Variants in GAREM2 observed in about 807,000 individuals in gnomAD.
GAREM2 encodes the protein GRB2 associated regulator of MAPK1 subtype 2.
A neutral mutation model predicts 55.6 loss-of-function variants in GAREM2; 30 were observed. The observed-to-expected ratio is 0.54, with a 90% confidence interval of 0.40 to 0.73. The LOEUF (loss-of-function observed/expected upper bound fraction) is 0.73, where lower values mean the gene tolerates loss of function less well. GAREM2 is among the 30% of genes least tolerant of loss of function. GAREM2 has a pLI of 0.00. For missense variants in GAREM2, 1,075 were observed against 1,257.7 expected (o/e 0.85, Z 2.20); for synonymous variants, 550 against 569.1 (o/e 0.97, Z 0.48).
chr2:26,190,977 C>T (rs945943112), downstream of GAREM2: 2 of 549,084 alleles, frequency 3.6e-6, no homozygotes, highest in Non-Finnish European at 6.6e-6. Context: ...AGAGAGGTGG[C>T]TTCAGATGGC....
Position 26,187,803 on chromosome 2 carries a change from C to T in GAREM2, c.2171C>T (p.Ala724Val). 1 of 1,444,212 alleles carries T rather than the reference C, an allele frequency of 6.9e-7. No individual in the cohort carries two copies. Among genetic ancestry groups the T allele is most frequent in the Non-Finnish European group, 9.1e-7 (1 of 1,094,064 alleles). The allele number at this position is 1,444,212 out of a possible 1,614,324, so 89.5% of individuals were successfully genotyped here. A position where few individuals can be genotyped will look rare whatever the true frequency, so the allele number is the denominator to read the frequency against. Residue 724 changes from alanine to valine, a missense_variant, in exon 6 of 6, where the codon GCA becomes GTA. This residue lies in a region of GAREM2 where 515 missense variants were observed against 501.5 expected (regional missense o/e 1.03). Transcript: ENST00000401533. ...PELLRSQEPR[A>V]VGTPGPGPRL... Reference sequence around the variant, plus strand: ...CTGCTGCGTTCTCAGGAGCCCAGAGCAGTGGGGACACCTGGGCCTGGACCC... The same window carrying T: ...CTGCTGCGTTCTCAGGAGCCCAGAGTAGTGGGGACACCTGGGCCTGGACCC...
At chr2:26,186,586 T>C (rs1468756516) in intron 5 of GAREM2, among the ~76,000 whole-genome samples, 1 of 152,180 alleles carries the variant, frequency 6.6e-6, no homozygotes, top group Admixed American at 6.5e-5. Flanking sequence ...CTCTCTTAAA[T>C]GTTGAGGAAC....
chr2:26,194,532 T>A (rs1669606231), downstream of GAREM2: 1 of 1,225,228 alleles, frequency 8.2e-7, no homozygotes, highest in Non-Finnish European at 1.2e-6. Flanking sequence ...ACTGAAGGAG[T>A]GGAAGATGCC....
chr2:26,174,096 G>T (rs1174644496), intron 1 of GAREM2, among the ~76,000 whole-genome samples: 1 of 152,194 alleles, frequency 6.6e-6, no homozygotes, highest in African/African-American at 2.4e-5. Flanking sequence ...CAGCCAGGCC[G>T]GGGGTTTTGT....
At chr2:26,176,868 C>A (rs1668881282) in intron 2 of GAREM2, among the ~76,000 whole-genome samples, 1 of 152,168 alleles carries the variant, frequency 6.6e-6, no homozygotes, top group Non-Finnish European at 1.5e-5. Context: ...TACCGCGCAA[C>A]CAAATACCGC....
intron 1 of GAREM2, among the ~76,000 whole-genome samples, chr2:26,175,514 C>T (rs1668834124): frequency 6.7e-6 from 1 of 149,672 alleles, no homozygotes; most frequent in Non-Finnish European, 1.5e-5. Context: ...GGAGCTGCTT[C>T]TCTGAGATGG....
At position 26,184,837 on chromosome 2, in the gene GAREM2, T is replaced by C; in HGVS notation, c.989T>C (p.Leu330Pro). The C allele has an allele frequency of 6.8e-7, 1 of 1,480,762 alleles. No homozygotes were observed. The highest frequency in any genetic ancestry group is 1.5e-5 in the African/African-American group (1 of 68,284). 91.7% of individuals were successfully genotyped at this position (1,480,762 alleles called of 1,614,324 possible). The change falls in exon 4 of 6, where the codon CTG becomes CCG. Residue 330 changes from leucine (L) to proline (P), a missense_variant. Physicochemically the swap from Leu to Pro is moderately conservative, Grantham distance 98. This residue lies in a region of GAREM2 where 170 missense variants were observed against 220.7 expected (regional missense o/e 0.77). Coordinates refer to ENST00000401533, the MANE Select transcript of GAREM2 (RefSeq NM_001168241.2). ...CCGCGCTTCGCGCTGCCGCAGGGCC[T>C]GCTGGCCGGGGACCCGCGCGTCGAG... is the stretch of plus-strand genomic sequence containing the variant. ...DTPRFALPQG[L>P]LAGDPRVERL...
the GAREM2 span, among the ~76,000 whole-genome samples, chr2:26,202,945 C>T: frequency 1.3e-5 from 2 of 152,216 alleles, no homozygotes; most frequent in African/African-American, 4.8e-5. Flanking sequence ...CGGCACTCGC[C>T]AGAACCTGAT....
At chr2:26,181,695 G>A (rs1255833366) in intron 2 of GAREM2, 1 of 152,236 alleles carries the variant, frequency 6.6e-6, no homozygotes, top group Non-Finnish European at 1.5e-5. Flanking sequence ...AGAAGCTAAA[G>A]AAGGCCCAGC....
At chr2:26,192,982 G>A (rs572692027), downstream of GAREM2, among the ~76,000 whole-genome samples, 27 of 152,182 alleles carry the variant, frequency 1.8e-4, 2 homozygotes, top group South Asian at 4.4e-3. Context: ...ATGCAGCACC[G>A]GGTCCTAGAA....
chr2:26,201,056 C>T, the GAREM2 span: 2 of 931,808 alleles, frequency 2.1e-6, no homozygotes, highest in Non-Finnish European at 1.7e-6. Context: ...TTTATAAAAG[C>T]AATCATGAGT....
At chr2:26,182,100 G>T in intron 2 of GAREM2, 1 of 1,089,988 alleles carries the variant, frequency 9.2e-7, no homozygotes, top group South Asian at 3.7e-5. Context: ...TGCCAGGGCG[G>T]CTCAGAGCTT....
the GAREM2 span, among the ~76,000 whole-genome samples, chr2:26,199,018 C>G: frequency 1.3e-5 from 2 of 152,076 alleles, no homozygotes; most frequent in African/African-American, 4.8e-5. Flanking sequence ...CCTCAGCCTC[C>G]CGAGTAGCTG....
chr2:26,201,714 A>T, the GAREM2 span, among the ~76,000 whole-genome samples: 2 of 152,104 alleles, frequency 1.3e-5, no homozygotes, highest in Non-Finnish European at 2.9e-5. Flanking sequence ...AAGCAGCCAA[A>T]GTGTGTCTGA....
At chr2:26,180,757 C>A in intron 2 of GAREM2, 1 of 208,576 alleles carries the variant, frequency 4.8e-6, no homozygotes, top group Non-Finnish European at 8.4e-6. Context: ...GCTGGGACTA[C>A]AGGTGTGTGC....
intron 5 of GAREM2, 148 bp downstream of exon 5, chr2:26,186,506 A>G: frequency 1.4e-6 from 1 of 733,890 alleles, no homozygotes; most frequent in South Asian, 1.8e-5. Context: ...TGGCTCAGGG[A>G]TTGGCACTGC....
chr2:26,177,157 A>G (rs986458415), intron 2 of GAREM2, among the ~76,000 whole-genome samples: 3 of 152,108 alleles, frequency 2.0e-5, no homozygotes. Flanking sequence ...GGCTTGGGGG[A>G]GGAGGTGACT....
chr2:26,187,320 G>T lies in GAREM2; in HGVS notation c.1688G>T (p.Gly563Val). ...TGCACCTGGGGAGACTGCAAGGTGGGCGAGTCCTCTAGCCGCCCAGCCCCC... is the reference window on the plus strand; with the variant it reads ...TGCACCTGGGGAGACTGCAAGGTGGTCGAGTCCTCTAGCCGCCCAGCCCCC... ...YPCTWGDCKV[G>V]ESSSRPAPGP... The change falls in exon 6 of 6, where the codon GGC becomes GTC. Residue 563 changes from glycine (G) to valine (V), a missense_variant. Coordinates refer to ENST00000401533, the MANE Select transcript of GAREM2 (RefSeq NM_001168241.2). 10 of 1,531,608 alleles carry T rather than the reference G, an allele frequency of 6.5e-6. No homozygotes were observed. Among genetic ancestry groups the T allele is most frequent in the Non-Finnish European group, 8.8e-6 (10 of 1,136,752 alleles). 94.9% of individuals were successfully genotyped at this position (1,531,608 alleles called of 1,614,324 possible).
At position 26,176,348 on chromosome 2, in the gene GAREM2, G is replaced by A. The variant is rs1280945168; in HGVS notation, c.117G>A (p.Glu39=). 1 of 1,541,120 alleles carries A rather than the reference G, an allele frequency of 6.5e-7. No homozygotes were observed. The highest frequency in any genetic ancestry group is 2.0e-5 in the Admixed American group (1 of 50,058). Residue 39 remains glutamate (E), a synonymous_variant, in exon 2 of 6, where the codon GAG becomes GAA. Coordinates refer to ENST00000401533, the MANE Select transcript of GAREM2 (RefSeq NM_001168241.2). Reference sequence around the variant, plus strand: ...TGTCCTCCTCCCCCTTCCCAGGGGAGTACGCCGAGGGCGTCAGTGAGCGAG... The same window carrying A: ...TGTCCTCCTCCCCCTTCCCAGGGGAATACGCCGAGGGCGTCAGTGAGCGAG... The part of the protein sequence containing the change: ...LPTLACLGPG[E]YAEGVSERDI...
Sources: allele counts gnomAD v4.1 joint callset (sites outside exome capture counted in the v4.1 genomes callset), GRCh38; gene constraint gnomAD v4.1.1; regional missense constraint gnomAD v4.1.1; transcripts MANE v1.5; gene names NCBI Gene and HGNC (gene_info 2026-07-23, HGNC 2026-07-21).